SLC22A2: variants seen among roughly 807,000 people sequenced by gnomAD.
The protein encoded by SLC22A2 is organic cation transporter 2.
SLC22A2 carries 46 observed loss-of-function variants against 60.5 expected under a neutral mutation model. The observed-to-expected ratio is 0.76, with a 90% confidence interval of 0.60 to 0.97. The LOEUF (loss-of-function observed/expected upper bound fraction) is 0.97. Among genes scored for constraint, SLC22A2 ranks in the 50% least tolerant of loss-of-function variants. The pLI is 0.00. For missense variants in SLC22A2, 701 were observed against 706.6 expected, an observed-to-expected ratio of 0.99 and a Z score of 0.09; for synonymous variants, 303 against 267.0, an observed-to-expected ratio of 1.13 and a Z score of -1.31.
chr6:160,236,219 G>C (rs1782909855), intron 9 of SLC22A2, among the ~76,000 whole-genome samples: 1 of 152,190 alleles, frequency 6.6e-6, no homozygotes, highest in Admixed American at 6.5e-5. Flanking sequence ...CATTAGAATA[G>C]AGGAAAATAC....
intron 9 of SLC22A2, among the ~76,000 whole-genome samples, chr6:160,226,225 G>T (rs986517201): frequency 1.3e-5 from 2 of 152,142 alleles, no homozygotes; most frequent in African/African-American, 4.8e-5. Flanking sequence ...GACTCCCTAT[G>T]ATTTCACCCC....
At chr6:160,247,586 G>T (rs1783116015) in intron 4 of SLC22A2, among the ~76,000 whole-genome samples, 1 of 152,178 alleles carries the variant, frequency 6.6e-6, no homozygotes, top group South Asian at 2.1e-4. Flanking sequence ...CCTGGGCTTT[G>T]CAAAGGCCTG....
intron 9 of SLC22A2, among the ~76,000 whole-genome samples, chr6:160,240,811 G>A (rs140795989): frequency 1.3e-5 from 2 of 152,148 alleles, no homozygotes; most frequent in African/African-American, 4.8e-5. Context: ...TGTCAAAGGA[G>A]CCTGAAATGG....
chr6:160,254,257 G>A (rs566133613), intron 2 of SLC22A2, among the ~76,000 whole-genome samples: 96 of 152,186 alleles, frequency 6.3e-4, no homozygotes, highest in African/African-American at 1.9e-3. Context: ...TAGCCTGGGC[G>A]ATAGAGTGAG....
chr6:160,242,469 A>G, intron 7 of SLC22A2, 67 bp from the exon 8 acceptor site: 1 of 926,598 alleles, frequency 1.1e-6, no homozygotes, highest in Non-Finnish European at 1.8e-6. Flanking sequence ...AGTGCTCCAG[A>G]GTGGGACTGT....
chr6:160,237,074 A>G (rs1782922499), intron 9 of SLC22A2, among the ~76,000 whole-genome samples: 1 of 152,224 alleles, frequency 6.6e-6, no homozygotes, highest in Non-Finnish European at 1.5e-5. Context: ...GAACAATGGT[A>G]TACCTGTTAT....
At chr6:160,224,343 G>C (rs1782690413) in intron 10 of SLC22A2, among the ~76,000 whole-genome samples, 1 of 148,516 alleles carries the variant, frequency 6.7e-6, no homozygotes, top group South Asian at 2.2e-4. Context: ...AGGAAAATTA[G>C]CCCAATGTAG....
chr6:160,234,890 A>G (rs922839047), intron 9 of SLC22A2, among the ~76,000 whole-genome samples: 3 of 152,222 alleles, frequency 2.0e-5, no homozygotes, highest in African/African-American at 7.2e-5. Context: ...CTGGTTTAAA[A>G]TCTGTATAAC....
chr6:160,242,120 C>A (rs1035850257), intron 8 of SLC22A2, among the ~76,000 whole-genome samples, 174 bp downstream of exon 8: 2 of 152,116 alleles, frequency 1.3e-5, no homozygotes, highest in African/African-American at 4.8e-5. Flanking sequence ...GTATTTTACC[C>A]CAGCCTGTAA....
chr6:160,238,911 T>A (rs315985), intron 9 of SLC22A2, among the ~76,000 whole-genome samples: 1 of 151,906 alleles, frequency 6.6e-6, no homozygotes, highest in Non-Finnish European at 1.5e-5. Flanking sequence ...AGAGTGACTC[T>A]GTCTTGGACA....
At chr6:160,233,646 G>T (rs140309179) in intron 9 of SLC22A2, among the ~76,000 whole-genome samples, 1 of 151,808 alleles carries the variant, frequency 6.6e-6, no homozygotes, top group African/African-American at 2.4e-5. Context: ...TGGACCTTGT[G>T]TCTTCTGTTT....
intron 9 of SLC22A2, among the ~76,000 whole-genome samples, chr6:160,232,629 A>C (rs369012079): frequency 6.6e-6 from 1 of 151,792 alleles, no homozygotes; most frequent in African/African-American, 2.4e-5. Context: ...GGAGTCATTC[A>C]CTGCAAAGGC....
At chr6:160,219,814 T>TGTA (rs1782618933) in intron 10 of SLC22A2, among the ~76,000 whole-genome samples, 1 of 152,208 alleles carries the variant, frequency 6.6e-6, no homozygotes, top group East Asian at 1.9e-4. Context: ...TACACTATAC[T>TGTA]GTAGTCTATT....
At position 160,241,490 on chromosome 6, in the gene SLC22A2, G is replaced by A. The variant is rs1301694880; in HGVS notation, c.1485C>T (p.Leu495=). The change falls in exon 9 of 11, where the codon CTC becomes CTT. Residue 495 remains leucine (L), a synonymous_variant. Coordinates refer to ENST00000366953, the MANE Select transcript of SLC22A2 (RefSeq NM_003058.4). Reference sequence around the variant, plus strand: ...ATTTCTTACCGAAAACCATCAGCGGGAGCTCAAGCCAGATGTTAGTGAGCC... The same window carrying A: ...ATTTCTTACCGAAAACCATCAGCGGAAGCTCAAGCCAGATGTTAGTGAGCC... The part of the protein sequence containing the change: ...VYRLTNIWLE[L]PLMVFGVLGL... 2 of 1,611,644 alleles carry A rather than the reference G, an allele frequency of 1.2e-6. No individual in the cohort carries two copies. Among genetic ancestry groups the A allele is most frequent in the Non-Finnish European group, 1.7e-6 (2 of 1,177,916 alleles).
chr6:160,224,851 AG>A (rs1399080658), intron 9 of SLC22A2, 47 bp from the exon 10 acceptor site: 1 of 1,135,502 alleles, frequency 8.8e-7, no homozygotes, highest in Non-Finnish European at 1.2e-6. Flanking sequence ...GAAAAACTCA[AG>A]GTCTATAATT....
At chr6:160,235,930 G>T (rs1489719452) in intron 9 of SLC22A2, among the ~76,000 whole-genome samples, 3 of 152,238 alleles carry the variant, frequency 2.0e-5, no homozygotes, top group Admixed American at 6.5e-5. Flanking sequence ...TACATTAATG[G>T]TATGTGTTCC....
intron 9 of SLC22A2, among the ~76,000 whole-genome samples, chr6:160,229,603 G>A (rs1782785728): frequency 6.6e-6 from 1 of 151,378 alleles, no homozygotes; most frequent in African/African-American, 2.4e-5. Flanking sequence ...TTTCCTGGGG[G>A]GCAAGCACCT....
rs776006162 is a variant in SLC22A2, at chr6:160,249,266, C to T, written c.792G>A (p.Trp264Ter). 3 of 1,611,762 alleles carry T rather than the reference C, an allele frequency of 1.9e-6. No homozygotes were observed. Among genetic ancestry groups the T allele is most frequent in the Non-Finnish European group, 2.5e-6 (3 of 1,178,632 alleles). The part of the protein sequence containing the change: ...GVAYALPHWR[W>*]LQFTVSLPNF... Reference sequence around the variant, plus strand: ...TGGGCAGAGAAACTGTGAACTGCAACCACCTCCAGTGAGGAAGTGCGTAAG... The same window carrying T: ...TGGGCAGAGAAACTGTGAACTGCAATCACCTCCAGTGAGGAAGTGCGTAAG... Residue 264 changes from tryptophan (W) to a stop codon, truncating the protein, a stop_gained, in exon 4 of 11, where the codon TGG (tryptophan) becomes TGA (stop). Coordinates refer to ENST00000366953, the MANE Select transcript of SLC22A2 (RefSeq NM_003058.4). LOFTEE classifies it high-confidence loss of function.
At position 160,217,411 on chromosome 6, in the gene SLC22A2, C is replaced by T. The variant is rs764131288; in HGVS notation, c.*21G>A. 1 of 1,531,374 alleles carries T rather than the reference C, an allele frequency of 6.5e-7. No individual in the cohort carries two copies. The highest frequency in any genetic ancestry group is 1.1e-5 in the South Asian group (1 of 88,418). The allele number at this position is 1,531,374 out of a possible 1,614,324, so 94.9% of individuals were successfully genotyped here. ...TGCTGCCATCAAAGCTAGGTCATGA[C>T]AGCAGCAACGGTCTCTCTTCTTAGT... is the stretch of plus-strand genomic sequence containing the variant. On this transcript the variant is annotated 3_prime_UTR_variant, in exon 11 of 11. Coordinates refer to ENST00000366953, the MANE Select transcript of SLC22A2 (RefSeq NM_003058.4).
Sources: allele counts gnomAD v4.1 joint callset (sites outside exome capture counted in the v4.1 genomes callset), GRCh38; gene constraint gnomAD v4.1.1; transcripts MANE v1.5; gene names NCBI Gene and HGNC (gene_info 2026-07-23, HGNC 2026-07-21).